SPSB4: variants seen among roughly 807,000 people sequenced by gnomAD.
SPSB4 encodes splA/ryanodine receptor domain and SOCS box containing 4, also known as SPRY domain-containing SOCS box protein 4.
In SPSB4, 21 loss-of-function variants were observed where a neutral mutation model predicts 20.9. The ratio of observed to expected loss-of-function variants is 1.01; its 90% confidence interval spans 0.71 to 1.45. The LOEUF (loss-of-function observed/expected upper bound fraction) is 1.45, where lower values mean the gene tolerates loss of function less well. Among genes scored for constraint, SPSB4 ranks in the 40% most tolerant of loss-of-function variants. The pLI is 0.00. For synonymous variants in SPSB4, 207 were observed against 183.8 expected, an observed-to-expected ratio of 1.13 and a Z score of -1.02; for missense variants, 399 against 399.2, an observed-to-expected ratio of 1.00 and a Z score of 0.00.
At position 141,066,119 on chromosome 3, in the gene SPSB4, C is replaced by A. The variant is rs969356118; in HGVS notation, c.15C>A (p.Leu5=). The A allele has an allele frequency of 8.5e-6, 13 of 1,529,008 alleles. No homozygotes were observed. Among genetic ancestry groups the A allele is most frequent in the African/African-American group, 4.3e-5 (3 of 70,468 alleles). The allele number at this position is 1,529,008 out of a possible 1,614,324, so 94.7% of individuals were successfully genotyped here. The stretch of plus-strand genomic sequence containing the variant: ...CGCAGTGAAGCATGGGCCAGAAGCT[C>A]TCGGGGAGCCTCAAGTCAGTGGAGG... MGQK[L]SGSLKSVEVR... Residue 5 remains leucine (L), a synonymous_variant, in exon 2 of 3, where the codon CTC becomes CTA. Transcript: ENST00000310546.
At chr3:141,132,049 G>T in intron 2 of SPSB4, 2 of 186,146 alleles carry the variant, frequency 1.1e-5, no homozygotes, top group South Asian at 7.4e-5. Flanking sequence ...GGTGGTTTTT[G>T]ATTTCATGGA....
rs1480139292 is a variant in SPSB4, at chr3:141,051,844, GC to G, written c.-298del. On this transcript the variant is annotated 5_prime_UTR_variant, in exon 1 of 3. Transcript: ENST00000310546. ...TGCCGGGCATCAGCCGTGAGGACGC[GC>G]CCCTGGCCGTGCGGAGAGAGCCGGC... The G allele has an allele frequency of 1.3e-5, 2 of 151,994 alleles. No individual in the cohort carries two copies. The highest frequency in any genetic ancestry group is 2.9e-5 in the Non-Finnish European group (2 of 68,036). The allele number at this position is 151,994 out of a possible 1,614,324, so 9.4% of individuals were successfully genotyped here.
At position 141,083,446 on chromosome 3, in the gene SPSB4, G is replaced by A. The variant is rs528672415; in HGVS notation, c.694+16648G>A. 5.9e-5 allele frequency among the ~76,000 whole-genome samples: 9 copies of A among 152,278 alleles called. No individual in the cohort carries two copies. The South Asian group carries it at 1.9e-3, about 32-fold the overall frequency. On this transcript the variant is annotated intron_variant, in intron 2 of 2. Coordinates refer to ENST00000310546, the MANE Select transcript of SPSB4 (RefSeq NM_080862.3). ...ATGAGAAAGGCCCCTGCCCCACTTG[G>A]GGCTTAGCTCTGCCCCTTTCTCTGG...
At chr3:141,126,427 G>A (rs1939051081) in intron 2 of SPSB4, among the ~76,000 whole-genome samples, 1 of 152,126 alleles carries the variant, frequency 6.6e-6, no homozygotes, top group Admixed American at 6.5e-5. Flanking sequence ...CTGACCCCAA[G>A]TCCACGTCCA....
At chr3:141,062,472 A>G (rs1937784289) in intron 1 of SPSB4, among the ~76,000 whole-genome samples, 1 of 152,014 alleles carries the variant, frequency 6.6e-6, no homozygotes, top group African/African-American at 2.4e-5. Context: ...TCCCTATTTT[A>G]TTATGCTCCA....
Position 141,066,562 on chromosome 3 carries a change from G to A in SPSB4, c.458G>A (p.Gly153Asp), listed in dbSNP as rs1937884287. The A allele has an allele frequency of 1.5e-5, 23 of 1,536,556 alleles. No individual in the cohort carries two copies. The highest frequency in any genetic ancestry group is 2.5e-5 in the South Asian group (2 of 79,710). ...GGCCGCAGCCGCCTCTACCACGACG[G>A]CAAGAACCAGCCCGGCGTGGCCTAC... ...DLGRSRLYHD[G>D]KNQPGVAYPA... The change falls in exon 2 of 3, where the codon GGC becomes GAC. Residue 153 changes from glycine to aspartate, a missense_variant. Gly to Asp is a moderately conservative substitution (Grantham distance 94). Coordinates refer to ENST00000310546, the MANE Select transcript of SPSB4 (RefSeq NM_080862.3).
chr3:141,146,488 C>T (rs960438714), intron 2 of SPSB4, among the ~76,000 whole-genome samples: 1 of 152,106 alleles, frequency 6.6e-6, no homozygotes, highest in Non-Finnish European at 1.5e-5. Context: ...CACATTAAGA[C>T]ACACCAGGCC....
At chr3:141,134,831 A>G (rs934620219) in intron 2 of SPSB4, among the ~76,000 whole-genome samples, 1 of 149,488 alleles carries the variant, frequency 6.7e-6, no homozygotes, top group African/African-American at 2.4e-5. Context: ...TACTGGCTTC[A>G]TAGAATAATT....
In SPSB4 at chr3:141,072,402, G is replaced by A. The variant is rs527639881; in HGVS notation, c.694+5604G>A. ...CCCCAAGTTGGAGGTGGGGGTTGGTGGGAGGTGATTGGGCCGTGGCAGATA... is the reference window on the plus strand; with the variant it reads ...CCCCAAGTTGGAGGTGGGGGTTGGTAGGAGGTGATTGGGCCGTGGCAGATA... On this transcript the variant is annotated intron_variant, in intron 2 of 2. Transcript: ENST00000310546. 3.9e-4 allele frequency among the ~76,000 whole-genome samples: 60 copies of A among 152,312 alleles called. 1 individual carries two copies. In the South Asian group the frequency reaches 7.3e-3, roughly 18 times the overall value.
intron 2 of SPSB4, among the ~76,000 whole-genome samples, chr3:141,105,778 CA>C (rs1391863835): frequency 7.2e-5 from 11 of 152,150 alleles, no homozygotes; most frequent in Non-Finnish European, 1.5e-4. Context: ...TCTTTGCCTT[CA>C]AAGTTATAAT....
intron 2 of SPSB4, among the ~76,000 whole-genome samples, chr3:141,134,626 C>T (rs1353441287): frequency 6.6e-6 from 1 of 151,980 alleles, no homozygotes; most frequent in African/African-American, 2.4e-5. Context: ...CATTTATTGA[C>T]TTTTATATGT....
At position 141,052,010 on chromosome 3, in the gene SPSB4, C is replaced by T. The variant is rs965989392; in HGVS notation, c.-154+18C>T. 1.3e-5 allele frequency: 2 copies of T among 152,658 alleles called. No homozygotes were observed. The highest frequency in any genetic ancestry group is 4.8e-5 in the African/African-American group (2 of 41,450). 9.5% of individuals were successfully genotyped at this position (152,658 alleles called of 1,614,324 possible). On this transcript the variant is annotated intron_variant, in intron 1 of 2. Coordinates refer to ENST00000310546, the MANE Select transcript of SPSB4 (RefSeq NM_080862.3). ...CTTTTATGGTAAGTACTCTCCAGCT[C>T]CTGGTGAGGGGCGCGCGGGGGCCGG...
intron 2 of SPSB4, among the ~76,000 whole-genome samples, chr3:141,119,617 A>G (rs4683562): frequency 2.9e-3 from 441 of 152,190 alleles, no homozygotes; most frequent in African/African-American, 0.01. Flanking sequence ...GTATGATATT[A>G]GCTGTGGGTT....
chr3:141,121,887 A>G (rs1266440173), intron 2 of SPSB4, among the ~76,000 whole-genome samples: 1 of 152,112 alleles, frequency 6.6e-6, no homozygotes, highest in East Asian at 1.9e-4. Flanking sequence ...GAAGTTTGTT[A>G]TTACCGACCT....
chr3:141,100,400 T>C (rs1938597716), intron 2 of SPSB4, among the ~76,000 whole-genome samples: 2 of 152,138 alleles, frequency 1.3e-5, no homozygotes, highest in South Asian at 4.1e-4. Context: ...AAGAACGCCC[T>C]GTGAGCATGA....
rs1385414430 is a variant in SPSB4, at chr3:141,079,277, AAG to A, written c.694+12481_694+12482del. On this transcript the variant is annotated intron_variant, in intron 2 of 2. Coordinates refer to ENST00000310546, the MANE Select transcript of SPSB4 (RefSeq NM_080862.3). ...AAGACTCCATCTCAAAAAAAAAAAA[AAG>A]AAAAGCACATTTGGTTGGCAGCAGA... Among the ~76,000 whole-genome samples the A allele has an allele frequency of 2.6e-3, 401 of 151,882 alleles. 2 individuals are homozygous for A. The highest frequency in any genetic ancestry group is 9.4e-3 in the African/African-American group (387 of 41,264).
chr3:141,091,883 G>T (rs148739696), intron 2 of SPSB4, among the ~76,000 whole-genome samples: 1 of 152,330 alleles, frequency 6.6e-6, no homozygotes, highest in East Asian at 1.9e-4. Context: ...CCTTTTGTCA[G>T]ACAGTTTCCT....
At chr3:141,119,853 A>C (rs907881344) in intron 2 of SPSB4, among the ~76,000 whole-genome samples, 1 of 152,030 alleles carries the variant, frequency 6.6e-6, no homozygotes, top group Non-Finnish European at 1.5e-5. Context: ...TGATTTTTTC[A>C]AAAAACCAGC....
intron 2 of SPSB4, among the ~76,000 whole-genome samples, chr3:141,136,900 G>A (rs1447109014): frequency 6.6e-6 from 1 of 152,144 alleles, no homozygotes; most frequent in East Asian, 1.9e-4. Flanking sequence ...GCTTGATGGG[G>A]ATGGCATTGA....
Sources: gnomAD v4.1 joint callset for allele counts (sites outside exome capture counted in the v4.1 genomes callset) on GRCh38, gnomAD v4.1.1 for gene constraint, MANE v1.5 for transcripts, NCBI Gene and HGNC (gene_info 2026-07-23, HGNC 2026-07-21) for gene names.